ATP13A4: variants seen among roughly 807,000 people sequenced by gnomAD.
ATP13A4 encodes probable cation-transporting ATPase 13A4.
ATP13A4 carries 114 observed loss-of-function variants against 142.5 expected under a neutral mutation model. That is an observed-to-expected ratio of 0.80 (90% CI 0.69 to 0.93). The LOEUF (loss-of-function observed/expected upper bound fraction) is 0.93. Ranked by LOEUF, ATP13A4 falls within the 40% of genes least tolerant of loss-of-function variation. ATP13A4 has a pLI of 0.00. For synonymous variants in ATP13A4, 488 were observed against 514.8 expected (o/e 0.95, Z 0.70); for missense variants, 1,392 against 1,454.0 (o/e 0.96, Z 0.69).
chr3:193,552,900 G>A (rs1723661153), intron 1 of ATP13A4, among the ~76,000 whole-genome samples: 1 of 152,178 alleles, frequency 6.6e-6, no homozygotes, highest in African/African-American at 2.4e-5. Context: ...AAAATGCTGT[G>A]TATACTAAAA....
At chr3:193,472,664 TA>T (rs1718693023) in intron 8 of ATP13A4, among the ~76,000 whole-genome samples, 1 of 152,202 alleles carries the variant, frequency 6.6e-6, no homozygotes, top group Non-Finnish European at 1.5e-5. Context: ...AGTGCTTAGA[TA>T]ACATGGTAAA....
intron 21 of ATP13A4, 57 bp downstream of exon 21, chr3:193,440,501 C>A: frequency 6.2e-7 from 1 of 1,610,844 alleles, no homozygotes; most frequent in Non-Finnish European, 8.5e-7. Flanking sequence ...TCTTCCACTC[C>A]CCCTGACTGT....
chr3:193,434,581 G>C (rs1402990451), intron 24 of ATP13A4, among the ~76,000 whole-genome samples: 1 of 152,046 alleles, frequency 6.6e-6, no homozygotes, highest in Non-Finnish European at 1.5e-5. Flanking sequence ...TCCTTCTCTA[G>C]CCCATTTATC....
Position 193,457,030 on chromosome 3 carries a change from T to C in ATP13A4, c.1885A>G (p.Arg629Gly). 1 of 1,614,094 alleles carries C rather than the reference T, an allele frequency of 6.2e-7. No individual in the cohort carries two copies. The highest frequency in any genetic ancestry group is 1.7e-4 in the Middle Eastern group (1 of 6,060). ...TCAGGTTGGCAAAAGCTGGCCACCC[T>C]CTCTGGTGCACCTTTCATGAATGCC... ...RLAFMKGAPE[R>G]VASFCQPETV... Residue 629 changes from arginine to glycine, a missense_variant, in exon 16 of 30, where the codon AGG becomes GGG. Arg to Gly is a moderately radical substitution (Grantham distance 125). Coordinates refer to ENST00000342695, the MANE Select transcript of ATP13A4 (RefSeq NM_032279.4).
intron 24 of ATP13A4, among the ~76,000 whole-genome samples, chr3:193,434,145 A>G (rs1252191745): frequency 6.6e-6 from 1 of 152,144 alleles, no homozygotes; most frequent in Non-Finnish European, 1.5e-5. Flanking sequence ...ATGTGCTTTC[A>G]GGGTGGGATT....
At chr3:193,537,647 A>G (rs1722656874) in intron 1 of ATP13A4, among the ~76,000 whole-genome samples, 1 of 152,180 alleles carries the variant, frequency 6.6e-6, no homozygotes. Context: ...TGAGAAGAGG[A>G]AAAGAAAAAC....
At chr3:193,574,074 A>T (rs1049045838) in intron 2 of ATP13A4, among the ~76,000 whole-genome samples, 1 of 151,980 alleles carries the variant, frequency 6.6e-6, no homozygotes, top group Non-Finnish European at 1.5e-5. Context: ...TAAAGAATAG[A>T]GAAATTCATT....
At chr3:193,448,381 T>C (rs565495645) in intron 17 of ATP13A4, 51 bp from the exon 18 acceptor site, 1 of 1,550,612 alleles carries the variant, frequency 6.4e-7, no homozygotes, top group African/African-American at 1.4e-5. Flanking sequence ...ATATTACAGC[T>C]TTTTTTTTGA....
intron 26 of ATP13A4, among the ~76,000 whole-genome samples, chr3:193,413,710 G>A (rs1330805583): frequency 1.3e-5 from 2 of 151,830 alleles, no homozygotes; most frequent in Non-Finnish European, 2.9e-5. Context: ...TATTAGGATG[G>A]GGGAAAAAAC....
intron 3 of ATP13A4, among the ~76,000 whole-genome samples, chr3:193,494,496 A>G (rs987774791): frequency 3.9e-5 from 6 of 152,036 alleles, no homozygotes; most frequent in East Asian, 1.9e-4. Context: ...CTGCAAATAC[A>G]TACAAATTAA....
chr3:193,519,626 ATTTTTTTTTTTTTTTT>A (rs147173408), intron 1 of ATP13A4, among the ~76,000 whole-genome samples: 2 of 69,012 alleles, frequency 2.9e-5, no homozygotes, highest in Admixed American at 2.0e-4. Context: ...GCAATTTGTA[ATTTTTTTTTTTTTTTT>A]TTTTTTTTTT....
chr3:193,412,720 C>T (rs1438239547), intron 26 of ATP13A4, among the ~76,000 whole-genome samples: 2 of 152,100 alleles, frequency 1.3e-5, no homozygotes, highest in African/African-American at 2.4e-5. Flanking sequence ...CATGATTCCT[C>T]CCTCAAGTGG....
chr3:193,502,123 T>C (rs981696595), intron 3 of ATP13A4, among the ~76,000 whole-genome samples: 1 of 152,086 alleles, frequency 6.6e-6, no homozygotes, highest in African/African-American at 2.4e-5. Context: ...CTGGGCAACA[T>C]AGTGAGATCC....
chr3:193,511,801 G>T (rs569755309), intron 2 of ATP13A4, among the ~76,000 whole-genome samples: 1 of 152,134 alleles, frequency 6.6e-6, no homozygotes, highest in East Asian at 1.9e-4. Context: ...TACAAGTGGT[G>T]AAATTGAGGT....
chr3:193,573,271 A>ATATATATG (rs1553862230), intron 2 of ATP13A4, among the ~76,000 whole-genome samples: 1 of 93,598 alleles, frequency 1.1e-5, no homozygotes, highest in African/African-American at 5.2e-5. Flanking sequence ...ATATATATAT[A>ATATATATG]TATACATATA....
Position 193,407,227 on chromosome 3 carries a change from T to C in ATP13A4, c.3378+86A>G, listed in dbSNP as rs527299262. ...ACTGCTGAGTCCATGTCAGCTAAAGTTGTTGTTTTCAGAGTCCCAAAGAAG... is the reference window on the plus strand; with the variant it reads ...ACTGCTGAGTCCATGTCAGCTAAAGCTGTTGTTTTCAGAGTCCCAAAGAAG... On this transcript the variant is annotated intron_variant, in intron 29 of 29. Transcript: ENST00000342695. 1.1e-4 allele frequency: 130 copies of C among 1,219,444 alleles called. 2 individuals carry two copies. The South Asian group carries it at 1.5e-3, about 14-fold the overall frequency. The allele number at this position is 1,219,444 out of a possible 1,614,324, so 75.5% of individuals were successfully genotyped here. A position where few individuals can be genotyped will look rare whatever the true frequency, so the allele number is the denominator to read the frequency against.
At chr3:193,573,304 T>TAC (rs1724324355) in intron 2 of ATP13A4, among the ~76,000 whole-genome samples, 1 of 89,510 alleles carries the variant, frequency 1.1e-5, no homozygotes, top group Non-Finnish European at 2.6e-5. Flanking sequence ...TATATATATA[T>TAC]ATACATATAT....
intron 25 of ATP13A4, among the ~76,000 whole-genome samples, chr3:193,432,785 A>C (rs1284479577): frequency 1.3e-5 from 2 of 152,110 alleles, no homozygotes; most frequent in Non-Finnish European, 2.9e-5. Flanking sequence ...GAGACGGTAA[A>C]AGATCACAGT....
intron 11 of ATP13A4, 85 bp downstream of exon 11, chr3:193,465,940 A>G (rs1017285842): frequency 1.9e-6 from 3 of 1,555,480 alleles, no homozygotes; most frequent in Non-Finnish European, 2.7e-6. Context: ...TGTAAACCAC[A>G]TCCTAGGTTA....
Sources: gnomAD v4.1 joint callset for allele counts (sites outside exome capture counted in the v4.1 genomes callset) on GRCh38, gnomAD v4.1.1 for gene constraint, MANE v1.5 for transcripts, NCBI Gene and HGNC (gene_info 2026-07-23, HGNC 2026-07-21) for gene names.